CTIF: variants seen among roughly 807,000 people sequenced by gnomAD.
The protein encoded by CTIF is cap binding complex dependent translation initiation factor.
Under a neutral mutation model 66.0 loss-of-function variants are expected in CTIF, and 21 were observed. The observed-to-expected ratio is 0.32, with a 90% confidence interval of 0.23 to 0.46. CTIF has a LOEUF of 0.46. CTIF is among the 20% of genes least tolerant of loss of function. The pLI, the probability that CTIF is intolerant of heterozygous loss-of-function variation, is 1.00. For missense variants in CTIF, 739 were observed against 812.7 expected, an observed-to-expected ratio of 0.91 and a Z score of 1.10; for synonymous variants, 345 against 326.4, an observed-to-expected ratio of 1.06 and a Z score of -0.62.
chr18:48,650,649 A>C (rs1354847519), intron 3 of CTIF, among the ~76,000 whole-genome samples: 1 of 152,222 alleles, frequency 6.6e-6, no homozygotes, highest in African/African-American at 2.4e-5. Flanking sequence ...CCTTGAGAAG[A>C]GCAACCCTAA....
In CTIF at chr18:48,695,625, C is replaced by T. The variant is rs143885537; in HGVS notation, c.508-15994C>T. Among the ~76,000 whole-genome samples, 529 of 152,290 alleles carry T rather than the reference C, an allele frequency of 3.5e-3. 3 individuals carry two copies. The highest frequency in any genetic ancestry group is 5.2e-3 in the Non-Finnish European group (354 of 68,024). On this transcript the variant is annotated intron_variant, in intron 6 of 11. Transcript: ENST00000256413. ...TCCTCATTTGTAGAGAATAGATAAT[C>T]GTAGTACCTATATCTCAGGGCTATT...
chr18:48,684,809 G>A (rs1361960352), intron 6 of CTIF, among the ~76,000 whole-genome samples: 2 of 152,124 alleles, frequency 1.3e-5, no homozygotes, highest in Non-Finnish European at 2.9e-5. Flanking sequence ...ATTCCTTGAA[G>A]AGTAAGTTGC....
chr18:48,664,607 C>A (rs1041681619), intron 5 of CTIF, 56 bp downstream of exon 5: 1 of 1,476,744 alleles, frequency 6.8e-7, no homozygotes, highest in South Asian at 1.1e-5. Context: ...ACGGGAGTGG[C>A]CTTTGCCTCC....
In CTIF at chr18:48,764,557, C is replaced by T. The variant is rs1256005438; in HGVS notation, c.1371+2868C>T. Among the ~76,000 whole-genome samples the T allele has an allele frequency of 4.6e-5, 7 of 152,086 alleles. No individual in the cohort carries two copies. The South Asian group carries it at 6.2e-4, about 14-fold the overall frequency. On this transcript the variant is annotated intron_variant, in intron 9 of 11. Transcript: ENST00000256413. ...GAAGGCGCTGGAAGCCTCCCTTCTCCCGGGCTAGGGGCCTGCAGGGACAGC... is the reference window on the plus strand; with the variant it reads ...GAAGGCGCTGGAAGCCTCCCTTCTCTCGGGCTAGGGGCCTGCAGGGACAGC...
At position 48,568,633 on chromosome 18, in the gene CTIF, TAAAAAAAAAAAAAAAAAAAAAA is replaced by T. The variant is rs58084631; in HGVS notation, c.-29+29335_-29+29356del. 1.0e-3 allele frequency among the ~76,000 whole-genome samples: 37 copies of T among 36,630 alleles called. 1 individual carries two copies. The Admixed American group carries it at 0.01, about 10-fold the overall frequency. 24.0% of individuals were successfully genotyped at this position (36,630 alleles called of 152,430 possible). On this transcript the variant is annotated intron_variant, in intron 1 of 11. Coordinates refer to ENST00000256413, the MANE Select transcript of CTIF (RefSeq NM_014772.3). ...GAAATACCTGAGACTGGGCAATTTG[TAAAAAAAAAAAAAAAAAAAAAA>T]AAAAAAAAAAAAAGAGGTTTAATGG... is the stretch of plus-strand genomic sequence containing the variant.
intron 2 of CTIF, among the ~76,000 whole-genome samples, chr18:48,622,015 G>T (rs299702): frequency 0.94 from 143,054 of 152,242 alleles, 67,785 homozygotes; most frequent in Non-Finnish European, 1. Flanking sequence ...TCTCTCCAGC[G>T]GCTTGCGGCC....
intron 2 of CTIF, among the ~76,000 whole-genome samples, chr18:48,629,809 G>C (rs1012653716): frequency 1.3e-5 from 2 of 152,154 alleles, no homozygotes; most frequent in African/African-American, 4.8e-5. Context: ...CTGTGCTTCA[G>C]TCTCCATGTT....
intron 2 of CTIF, among the ~76,000 whole-genome samples, chr18:48,620,515 C>T (rs1185789844): frequency 6.6e-6 from 1 of 152,194 alleles, no homozygotes; most frequent in Non-Finnish European, 1.5e-5. Flanking sequence ...CCAGTGTGAC[C>T]TTGGGCAGAA....
intron 10 of CTIF, among the ~76,000 whole-genome samples, chr18:48,831,655 C>A (rs2068694559): frequency 6.6e-6 from 1 of 152,210 alleles, no homozygotes; most frequent in Non-Finnish European, 1.5e-5. Flanking sequence ...TGGCCAGTAA[C>A]AATATAACGT....
chr18:48,820,284 C>T (rs147902384), intron 10 of CTIF, among the ~76,000 whole-genome samples: 2 of 152,308 alleles, frequency 1.3e-5, no homozygotes, highest in African/African-American at 2.4e-5. Flanking sequence ...TCCGTAGGGA[C>T]CCCTGAATTC....
intron 7 of CTIF, among the ~76,000 whole-genome samples, chr18:48,717,402 A>AAAATAAAT (rs145983579): frequency 0.013 from 1,909 of 144,912 alleles, 15 homozygotes; most frequent in South Asian, 0.018. Flanking sequence ...CTGTCTTTAA[A>AAAATAAAT]AAATAAATAA....
chr18:48,707,480 A>G (rs2145446015), intron 6 of CTIF, among the ~76,000 whole-genome samples: 1 of 152,094 alleles, frequency 6.6e-6, no homozygotes, highest in East Asian at 1.9e-4. Context: ...CTTGAGATTA[A>G]CTGGTGGGGG....
chr18:48,804,128 T>C (rs886340186), intron 9 of CTIF, among the ~76,000 whole-genome samples: 32 of 152,114 alleles, frequency 2.1e-4, no homozygotes, highest in African/African-American at 7.7e-4. Flanking sequence ...CAGGGGTCGT[T>C]GGCCAGGGAG....
intron 6 of CTIF, among the ~76,000 whole-genome samples, chr18:48,681,437 C>T (rs2091740602): frequency 6.6e-6 from 1 of 152,252 alleles, no homozygotes; most frequent in Non-Finnish European, 1.5e-5. Flanking sequence ...CACTCTTTCC[C>T]TCCTTTCCCC....
At chr18:48,788,450 G>A (rs1358827248) in intron 9 of CTIF, among the ~76,000 whole-genome samples, 1 of 152,142 alleles carries the variant, frequency 6.6e-6, no homozygotes, top group Non-Finnish European at 1.5e-5. Flanking sequence ...TAAGTGGCCT[G>A]AAGCCACTGA....
intron 5 of CTIF, among the ~76,000 whole-genome samples, chr18:48,668,562 A>G (rs2091473406): frequency 6.6e-6 from 1 of 151,900 alleles, no homozygotes; most frequent in Non-Finnish European, 1.5e-5. Flanking sequence ...TGCCTGTTAT[A>G]CCTTGCACAC....
At chr18:48,786,895 A>G (rs1053394510) in intron 9 of CTIF, among the ~76,000 whole-genome samples, 1 of 147,988 alleles carries the variant, frequency 6.8e-6, no homozygotes. Context: ...CACCTTCTGC[A>G]TGGGGCAGGG....
chr18:48,647,920 G>C (rs1415278141), intron 3 of CTIF, among the ~76,000 whole-genome samples: 1 of 152,184 alleles, frequency 6.6e-6, no homozygotes, highest in African/African-American at 2.4e-5. Flanking sequence ...TTCAAAGAAG[G>C]CCTCCCTGTG....
rs544751026 is a variant in CTIF, at chr18:48,732,994, C to T, written c.584+21299C>T. Among the ~76,000 whole-genome samples, 9 of 152,322 alleles carry T rather than the reference C, an allele frequency of 5.9e-5. No individual in the cohort carries two copies. In the South Asian group the frequency reaches 1.9e-3, roughly 32 times the overall value. ...TTCAGGGTGGTGTGGCTGTAGACAA[C>T]ATCACCATCATCAGAAAAAGAAGGA... On this transcript the variant is annotated intron_variant, in intron 7 of 11. Coordinates refer to ENST00000256413, the MANE Select transcript of CTIF (RefSeq NM_014772.3).
Sources: gnomAD v4.1 joint callset for allele counts (sites outside exome capture counted in the v4.1 genomes callset) on GRCh38, gnomAD v4.1.1 for gene constraint, MANE v1.5 for transcripts, NCBI Gene and HGNC (gene_info 2026-07-23, HGNC 2026-07-21) for gene names.